The following POU2F1 variants were observed in gnomAD, a reference collection of about 807,000 sequenced individuals.
POU2F1 encodes POU domain, class 2, transcription factor 1.
In POU2F1, 16 loss-of-function variants were observed where a neutral mutation model predicts 84.9. That is an observed-to-expected ratio of 0.19 (90% confidence interval 0.13 to 0.29). The LOEUF (loss-of-function observed/expected upper bound fraction) is 0.29, where lower values mean the gene tolerates loss of function less well. Ranked by LOEUF, POU2F1 falls within the 10% of genes least tolerant of loss-of-function variation. The pLI, the probability that POU2F1 is intolerant of heterozygous loss-of-function variation, is 1.00. For synonymous variants in POU2F1, 368 were observed against 368.3 expected (o/e 1.00, Z 0.01); for missense variants, 738 against 942.6 (o/e 0.78, Z 2.84).
chr1:167,313,765 A>G (rs1248853700), intron 1 of POU2F1, among the ~76,000 whole-genome samples: 1 of 152,232 alleles, frequency 6.6e-6, no homozygotes, highest in Non-Finnish European at 1.5e-5. Flanking sequence ...ATATTTTGCT[A>G]TGTGCAAACC....
chr1:167,371,852 G>A, intron 4 of POU2F1, 65 bp from the exon 5 acceptor site: 2 of 1,592,938 alleles, frequency 1.3e-6, no homozygotes, highest in Non-Finnish European at 1.7e-6. Flanking sequence ...AAAAGATGGG[G>A]TTTTAAGTAC....
chr1:167,418,030 C>T lies in POU2F1; in HGVS notation c.*2220C>T, dbSNP rs1291826089. The T allele has an allele frequency of 3.3e-5, 5 of 152,206 alleles. No individual in the cohort carries two copies. Among genetic ancestry groups the T allele is most frequent in the Non-Finnish European group, 7.3e-5 (5 of 68,052 alleles). The allele number at this position is 152,206 out of a possible 1,614,324, so 9.4% of individuals were successfully genotyped here. On this transcript the variant is annotated 3_prime_UTR_variant, in exon 16 of 16. Transcript: ENST00000367866. ...GCAGGGAAACTAACAAATGTCCATTCACCCTTTTTGTGTGGTGTGTTTTTT... is the reference window on the plus strand; with the variant it reads ...GCAGGGAAACTAACAAATGTCCATTTACCCTTTTTGTGTGGTGTGTTTTTT...
At chr1:167,283,837 A>C (rs1347237100) in intron 1 of POU2F1, among the ~76,000 whole-genome samples, 4 of 152,206 alleles carry the variant, frequency 2.6e-5, no homozygotes, top group African/African-American at 9.6e-5. Flanking sequence ...ATTGCTAGGA[A>C]TATCATAAAG....
chr1:167,244,186 G>A (rs974349519), intron 1 of POU2F1, among the ~76,000 whole-genome samples: 2 of 152,226 alleles, frequency 1.3e-5, no homozygotes, highest in African/African-American at 4.8e-5. Context: ...TTAGAAGATA[G>A]CATGTAAAGG....
chr1:167,414,465 T>C, intron 15 of POU2F1: 1 of 985,454 alleles, frequency 1.0e-6, no homozygotes, highest in Non-Finnish European at 1.2e-6. Context: ...CTATATTTTA[T>C]GTAAGAAATC....
intron 2 of POU2F1, among the ~76,000 whole-genome samples, chr1:167,354,721 A>G (rs1056585192): frequency 2.6e-5 from 4 of 152,178 alleles, no homozygotes; most frequent in African/African-American, 7.2e-5. Context: ...ATTTTAGCCA[A>G]TTTATCAGGT....
At chr1:167,293,981 C>G (rs12061660) in intron 1 of POU2F1, among the ~76,000 whole-genome samples, 1 of 151,940 alleles carries the variant, frequency 6.6e-6, no homozygotes, top group Admixed American at 6.6e-5. Context: ...AGACTTAAAT[C>G]TAAGACTCAA....
Position 167,416,165 on chromosome 1 carries a change from C to T in POU2F1, c.*355C>T, listed in dbSNP as rs1163984663. On this transcript the variant is annotated 3_prime_UTR_variant, in exon 16 of 16. Transcript: ENST00000367866. ...TGAAAGGACTACTTATCATTTCCAG[C>T]AGTCATGATGACAAGTTAAGGTGGG... The T allele has an allele frequency of 2.6e-6, 1 of 380,700 alleles. No individual in the cohort carries two copies. Among genetic ancestry groups the T allele is most frequent in the Admixed American group, 4.3e-5 (1 of 23,524 alleles). The allele number at this position is 380,700 out of a possible 1,614,324, so 23.6% of individuals were successfully genotyped here.
At chr1:167,282,357 G>C (rs1653212182) in intron 1 of POU2F1, among the ~76,000 whole-genome samples, 1 of 151,884 alleles carries the variant, frequency 6.6e-6, no homozygotes. Context: ...TGTTAGCCAG[G>C]ATGGTCTCGA....
At chr1:167,398,712 G>T (rs1648985221) in intron 11 of POU2F1, among the ~76,000 whole-genome samples, 2 of 152,302 alleles carry the variant, frequency 1.3e-5, no homozygotes, top group South Asian at 4.2e-4. Flanking sequence ...ATTCAGAAAA[G>T]ACTTGAGCAC....
intron 2 of POU2F1, among the ~76,000 whole-genome samples, chr1:167,342,063 G>A (rs1183241645): frequency 6.7e-6 from 1 of 149,942 alleles, no homozygotes; most frequent in Admixed American, 6.6e-5. Flanking sequence ...CCTGGGGTCT[G>A]GGGGTTATAT....
intron 1 of POU2F1, among the ~76,000 whole-genome samples, chr1:167,304,080 C>T (rs1050886522): frequency 1.3e-5 from 2 of 152,004 alleles, no homozygotes; most frequent in Non-Finnish European, 2.9e-5. Flanking sequence ...AACAGAGATC[C>T]GACTCCAGTT....
At chr1:167,351,383 T>C (rs1306832582) in intron 2 of POU2F1, among the ~76,000 whole-genome samples, 1 of 151,754 alleles carries the variant, frequency 6.6e-6, no homozygotes, top group Non-Finnish European at 1.5e-5. Context: ...CTGGGTATGG[T>C]GGCACATGCC....
chr1:167,294,172 CAAAAAAAAAAAA>C (rs60846607), intron 1 of POU2F1, among the ~76,000 whole-genome samples: 14 of 30,956 alleles, frequency 4.5e-4, no homozygotes, highest in South Asian at 1.4e-3. Flanking sequence ...TACTAAAATA[CAAAAAAAAAAAA>C]AAAAAAAAAA....
At chr1:167,325,802 T>C (rs887326769) in intron 1 of POU2F1, among the ~76,000 whole-genome samples, 1 of 151,058 alleles carries the variant, frequency 6.6e-6, no homozygotes, top group African/African-American at 2.4e-5. Flanking sequence ...GGCAGGAGAA[T>C]CGCTTGAAAC....
In POU2F1 at chr1:167,419,516, A is replaced by G. The variant is rs1479391039; in HGVS notation, c.*3706A>G. The stretch of plus-strand genomic sequence containing the variant: ...TTATCACAAGTGGTGCAATTTGGTC[A>G]TAAACTTTATTTATACCCTGTATAC... On this transcript the variant is annotated 3_prime_UTR_variant, in exon 16 of 16. Transcript: ENST00000367866. 6.6e-6 allele frequency: 1 copy of G among 152,248 alleles called. No homozygotes were observed. Among genetic ancestry groups the G allele is most frequent in the African/African-American group, 2.4e-5 (1 of 41,468 alleles). The allele number at this position is 152,248 out of a possible 1,614,324, so 9.4% of individuals were successfully genotyped here. A position where few individuals can be genotyped will look rare whatever the true frequency, so the allele number is the denominator to read the frequency against.
chr1:167,308,459 A>T (rs1655239868), intron 1 of POU2F1, among the ~76,000 whole-genome samples: 1 of 151,934 alleles, frequency 6.6e-6, no homozygotes, highest in Non-Finnish European at 1.5e-5. Flanking sequence ...TGTAATTAAT[A>T]ATTATTTTAT....
At chr1:167,374,066 C>G in intron 5 of POU2F1, 42 bp from the exon 6 acceptor site, 2 of 1,602,854 alleles carry the variant, frequency 1.2e-6, no homozygotes, top group Non-Finnish European at 1.7e-6. Flanking sequence ...AGGAGACTTT[C>G]TCCTTCAACA....
chr1:167,278,971 ATTAG>A (rs1444754786), intron 1 of POU2F1, among the ~76,000 whole-genome samples: 12 of 152,310 alleles, frequency 7.9e-5, no homozygotes, highest in Non-Finnish European at 1.5e-4. Flanking sequence ...TTTGATTGTA[ATTAG>A]TTAGGTAAAT....
Sources: allele counts gnomAD v4.1 joint callset (sites outside exome capture counted in the v4.1 genomes callset), GRCh38; gene constraint gnomAD v4.1.1; transcripts MANE v1.5; gene names NCBI Gene and HGNC (gene_info 2026-07-23, HGNC 2026-07-21).